The following RYR2 variants were observed in gnomAD, a reference collection of about 807,000 sequenced individuals.
The protein encoded by RYR2 is ryanodine receptor 2.
A neutral mutation model predicts 601.1 loss-of-function variants in RYR2; 227 were observed. The ratio of observed to expected loss-of-function variants is 0.38; its 90% CI spans 0.34 to 0.42. The LOEUF (loss-of-function observed/expected upper bound fraction) is 0.42, where lower values mean the gene tolerates loss of function less well. Ranked by LOEUF, RYR2 falls within the 10% of genes least tolerant of loss-of-function variation. RYR2 has a pLI of 1.00. For missense variants in RYR2, 4,646 were observed against 6,156.5 expected (o/e 0.75, Z 8.21); for synonymous variants, 2,223 against 2,175.1 (o/e 1.02, Z -0.61).
At chr1:237,825,783 A>C (rs1663020755) in intron 101 of RYR2, among the ~76,000 whole-genome samples, 1 of 152,256 alleles carries the variant, frequency 6.6e-6, no homozygotes, top group Non-Finnish European at 1.5e-5. Flanking sequence ...TATACAGCTA[A>C]TATCCAGAAT....
At chr1:237,411,208 C>T (rs1182719599) in intron 10 of RYR2, among the ~76,000 whole-genome samples, 1 of 152,060 alleles carries the variant, frequency 6.6e-6, no homozygotes, top group Non-Finnish European at 1.5e-5. Context: ...AAGGCAGACA[C>T]CAAGCAAGAA....
chr1:237,799,176 C>T (rs918525122), intron 97 of RYR2, among the ~76,000 whole-genome samples: 1 of 152,124 alleles, frequency 6.6e-6, no homozygotes, highest in Non-Finnish European at 1.5e-5. Context: ...CAAAATATTA[C>T]TTGAGTACTC....
At chr1:237,673,872 A>C (rs928511424) in intron 58 of RYR2, among the ~76,000 whole-genome samples, 2 of 152,188 alleles carry the variant, frequency 1.3e-5, no homozygotes, top group African/African-American at 4.8e-5. Flanking sequence ...ATGCATGTTC[A>C]TGTTTTAACT....
intron 75 of RYR2, 68 bp from the exon 76 acceptor site, chr1:237,727,019 T>G: frequency 1.2e-6 from 1 of 818,370 alleles, no homozygotes; most frequent in Non-Finnish European, 2.2e-6. Context: ...TAGTTTGGGG[T>G]GTAAATATTT....
At chr1:237,338,714 A>G (rs1697478046) in intron 3 of RYR2, among the ~76,000 whole-genome samples, 1 of 152,152 alleles carries the variant, frequency 6.6e-6, no homozygotes, top group Non-Finnish European at 1.5e-5. Flanking sequence ...TTCTTCTGGT[A>G]TTATGGTATC....
At chr1:237,441,242 A>C in intron 12 of RYR2, 77 bp from the exon 13 acceptor site, 1 of 1,530,150 alleles carries the variant, frequency 6.5e-7, no homozygotes, top group East Asian at 2.3e-5. Flanking sequence ...ACATATTTGC[A>C]ATAAGGCAAA....
rs777827279 is a variant in RYR2 at position 237,603,737 on chromosome 1, CA to C, written c.4683+1628del. On this transcript the variant is annotated intron_variant, in intron 35 of 104. Transcript: ENST00000366574. ...AATAAAGGGATGGAGGAAGATCTAC[CA>C]AGCAAATGGAAAACAAAGGCAGGGA... 1.1e-4 allele frequency among the ~76,000 whole-genome samples: 16 copies of C among 152,172 alleles called. No homozygotes were observed. In the East Asian group the frequency reaches 1.4e-3, roughly 13 times the overall value.
intron 70 of RYR2, among the ~76,000 whole-genome samples, chr1:237,710,253 A>C (rs530477728): frequency 9.6e-4 from 146 of 152,314 alleles, no homozygotes; most frequent in African/African-American, 3.4e-3. Flanking sequence ...TATTTTAAAA[A>C]TTTAGAATTT....
intron 7 of RYR2, among the ~76,000 whole-genome samples, chr1:237,375,797 C>A (rs1700985642): frequency 1.3e-5 from 2 of 152,110 alleles, no homozygotes; most frequent in African/African-American, 4.8e-5. Flanking sequence ...TTTCAGCACA[C>A]AGTTAAATGA....
At chr1:237,586,447 GGA>G (rs1248227259) in intron 29 of RYR2, among the ~76,000 whole-genome samples, 31 of 152,276 alleles carry the variant, frequency 2.0e-4, no homozygotes, top group African/African-American at 7.0e-4. Context: ...CTAAGGGGCA[GGA>G]GTTACAGAAG....
At chr1:237,198,842 C>CT (rs11377436) in intron 1 of RYR2, among the ~76,000 whole-genome samples, 4,134 of 147,898 alleles carry the variant, frequency 0.028, 191 homozygotes, top group African/African-American at 0.094. Flanking sequence ...ATTTTCTTAT[C>CT]TTTTTTTTTT....
chr1:237,241,942 G>A (rs1018290660), intron 1 of RYR2, among the ~76,000 whole-genome samples: 8 of 152,080 alleles, frequency 5.3e-5, no homozygotes, highest in African/African-American at 1.9e-4. Context: ...GGCTTTGGCT[G>A]GCTTCCTTAC....
chr1:237,245,860 T>C (rs1359241273), intron 1 of RYR2, among the ~76,000 whole-genome samples: 3 of 152,090 alleles, frequency 2.0e-5, no homozygotes, highest in African/African-American at 7.2e-5. Flanking sequence ...CGGCTCATTG[T>C]AACCTCTGCC....
intron 1 of RYR2, among the ~76,000 whole-genome samples, chr1:237,135,154 T>C (rs965181292): frequency 1.3e-5 from 2 of 152,192 alleles, no homozygotes; most frequent in African/African-American, 4.8e-5. Flanking sequence ...CTCAGATACA[T>C]TTCATTTATT....
chr1:237,605,389 C>T lies in RYR2; in HGVS notation c.4683+3278C>T, dbSNP rs1407345949. Among the ~76,000 whole-genome samples, 4 of 152,284 alleles carry T rather than the reference C, an allele frequency of 2.6e-5. 1 individual carries two copies. Among genetic ancestry groups the T allele is most frequent in the African/African-American group, 7.2e-5 (3 of 41,556 alleles). On this transcript the variant is annotated intron_variant, in intron 35 of 104. Coordinates refer to ENST00000366574, the MANE Select transcript of RYR2 (RefSeq NM_001035.3). The stretch of plus-strand genomic sequence containing the variant: ...ATTCAACAGCCCTTCATGCTAAAAA[C>T]TCTCAATAAATTAGGTATTGATGGG...
chr1:237,113,632 A>C (rs1285648845), intron 1 of RYR2, among the ~76,000 whole-genome samples: 1 of 152,200 alleles, frequency 6.6e-6, no homozygotes, highest in East Asian at 1.9e-4. Context: ...GAGTGGGTAC[A>C]TCATCAATGT....
At chr1:237,330,073 A>G (rs978676161) in intron 2 of RYR2, among the ~76,000 whole-genome samples, 6 of 152,182 alleles carry the variant, frequency 3.9e-5, no homozygotes, top group African/African-American at 1.4e-4. Context: ...TGAGACAACT[A>G]TTATTTTTCT....
At chr1:237,238,423 A>G (rs919367882) in intron 1 of RYR2, among the ~76,000 whole-genome samples, 1 of 152,200 alleles carries the variant, frequency 6.6e-6, no homozygotes, top group African/African-American at 2.4e-5. Context: ...CTGTCCCTCT[A>G]AAATGTATAA....
intron 19 of RYR2, among the ~76,000 whole-genome samples, chr1:237,494,106 G>A (rs966141361): frequency 1.3e-5 from 2 of 152,120 alleles, no homozygotes; most frequent in Non-Finnish European, 2.9e-5. Context: ...GGCACAGGGC[G>A]AATAGGATAG....
Sources: gnomAD v4.1 joint callset for allele counts (sites outside exome capture counted in the v4.1 genomes callset) on GRCh38, gnomAD v4.1.1 for gene constraint, MANE v1.5 for transcripts, NCBI Gene and HGNC (gene_info 2026-07-23, HGNC 2026-07-21) for gene names.